The following ARHGAP32 variants were observed in gnomAD, a reference collection of about 807,000 sequenced individuals.
The protein encoded by ARHGAP32 is Rho GTPase activating protein 32.
A neutral mutation model predicts 186.5 loss-of-function variants in ARHGAP32; 51 were observed. The ratio of observed to expected loss-of-function variants is 0.27; its 90% CI spans 0.22 to 0.35. The LOEUF (loss-of-function observed/expected upper bound fraction) is 0.35, where lower values mean the gene tolerates loss of function less well. ARHGAP32 is among the 10% of genes least tolerant of loss of function. ARHGAP32 has a pLI of 1.00. For missense variants in ARHGAP32, 2,186 were observed against 2,623.5 expected (o/e 0.83, Z 3.64); for synonymous variants, 950 against 964.3 (o/e 0.99, Z 0.27).
intron 1 of ARHGAP32, among the ~76,000 whole-genome samples, chr11:129,242,130 A>T (rs540864289): frequency 1.3e-5 from 2 of 152,318 alleles, no homozygotes; most frequent in African/African-American, 4.8e-5. Flanking sequence ...GTTTATTATT[A>T]TAATTGTTTT....
chr11:129,101,788 T>C (rs1305027979), intron 5 of ARHGAP32, among the ~76,000 whole-genome samples: 1 of 152,158 alleles, frequency 6.6e-6, no homozygotes, highest in Non-Finnish European at 1.5e-5. Context: ...TATTTCAGGA[T>C]ATCATCCATG....
upstream of ARHGAP32, among the ~76,000 whole-genome samples, chr11:129,193,542 T>A (rs1427122885): frequency 5.8e-5 from 1 of 17,118 alleles, no homozygotes; most frequent in Non-Finnish European, 1.1e-4. Context: ...ATATATATAT[T>A]ATATATAATA....
At chr11:129,029,599 C>T (rs1208983777) in intron 11 of ARHGAP32, among the ~76,000 whole-genome samples, 4 of 151,898 alleles carry the variant, frequency 2.6e-5, no homozygotes, top group African/African-American at 4.8e-5. Context: ...GTCAGGAGAT[C>T]GAGACCATCC....
chr11:128,983,317 G>A (rs2136110032), intron 15 of ARHGAP32, among the ~76,000 whole-genome samples: 1 of 152,264 alleles, frequency 6.6e-6, no homozygotes, highest in South Asian at 2.1e-4. Context: ...ATAATTAAGA[G>A]AAGACAAACC....
At chr11:129,216,472 A>T (rs1426796417) in intron 1 of ARHGAP32, among the ~76,000 whole-genome samples, 1 of 151,950 alleles carries the variant, frequency 6.6e-6, no homozygotes, top group East Asian at 1.9e-4. Flanking sequence ...ACTTGAGGTT[A>T]GGAGTTCGAG....
At chr11:129,014,002 A>C (rs1401205244) in intron 11 of ARHGAP32, among the ~76,000 whole-genome samples, 3 of 152,238 alleles carry the variant, frequency 2.0e-5, no homozygotes, top group African/African-American at 7.2e-5. Flanking sequence ...TAGAGACACT[A>C]AAATGATACC....
intron 6 of ARHGAP32, among the ~76,000 whole-genome samples, chr11:129,091,298 T>C (rs1941572048): frequency 1.3e-5 from 2 of 152,270 alleles, no homozygotes; most frequent in South Asian, 2.1e-4. Context: ...CCAGTTGGCC[T>C]GGGTGCTCCC....
At chr11:129,102,528 A>C (rs1941930726) in intron 5 of ARHGAP32, among the ~76,000 whole-genome samples, 1 of 152,154 alleles carries the variant, frequency 6.6e-6, no homozygotes, top group Non-Finnish European at 1.5e-5. Context: ...CAAAAACAAA[A>C]ACAATTTAAA....
At chr11:129,086,113 C>T (rs1333038484) in intron 6 of ARHGAP32, among the ~76,000 whole-genome samples, 8 of 151,342 alleles carry the variant, frequency 5.3e-5, no homozygotes, top group African/African-American at 1.9e-4. Context: ...GAATAGAGAG[C>T]CCAGAAACAG....
At chr11:129,098,590 T>G (rs546106370) in intron 5 of ARHGAP32, among the ~76,000 whole-genome samples, 31 of 152,100 alleles carry the variant, frequency 2.0e-4, no homozygotes, top group African/African-American at 6.7e-4. Flanking sequence ...CAGCTAATTT[T>G]TTGTATTTTT....
rs116061687 is a variant in ARHGAP32, at chr11:129,211,486, A to G, written c.-4-47059T>C. Among the ~76,000 whole-genome samples the G allele has an allele frequency of 5.3e-3, 811 of 152,330 alleles. 8 individuals carry two copies. Among genetic ancestry groups the G allele is most frequent in the African/African-American group, 0.019 (774 of 41,566 alleles). On this transcript the variant is annotated intron_variant, in intron 1 of 6. Coordinates refer to the ARHGAP32 transcript ENST00000525234. ...CTTCCATCAAAAACGCTGGGCATCT[A>G]ACACAATAGAACAGTTATTCATTCC...
intron 1 of ARHGAP32, among the ~76,000 whole-genome samples, chr11:129,224,990 A>G (rs1944761299): frequency 6.6e-6 from 1 of 152,036 alleles, no homozygotes; most frequent in Non-Finnish European, 1.5e-5. Context: ...GCATACGTGT[A>G]GTCCCAGCTA....
intron 1 of ARHGAP32, among the ~76,000 whole-genome samples, chr11:129,218,665 C>G (rs952074004): frequency 6.6e-6 from 1 of 152,052 alleles, no homozygotes; most frequent in African/African-American, 2.4e-5. Context: ...GGGAAAGGAG[C>G]CTGAGTAAAA....
At chr11:129,025,444 G>A (rs1182770880) in intron 11 of ARHGAP32, among the ~76,000 whole-genome samples, 1 of 152,118 alleles carries the variant, frequency 6.6e-6, no homozygotes, top group African/African-American at 2.4e-5. Flanking sequence ...GTATGTGGCA[G>A]GAACAAAACA....
intron 1 of ARHGAP32, among the ~76,000 whole-genome samples, chr11:129,230,809 C>A (rs78251949): frequency 4.5e-4 from 68 of 151,974 alleles, no homozygotes; most frequent in African/African-American, 1.6e-3. Flanking sequence ...TAAAAAAGAG[C>A]CCAAAATTTA....
intron 1 of ARHGAP32, among the ~76,000 whole-genome samples, chr11:129,241,870 T>C (rs961392111): frequency 1.3e-5 from 2 of 152,148 alleles, no homozygotes; most frequent in Non-Finnish European, 2.9e-5. Context: ...CAAATAAATT[T>C]AGACTGTGTA....
At chr11:129,193,563 A>ATATATTATATTATAT (rs1944318360), upstream of ARHGAP32, among the ~76,000 whole-genome samples, 1 of 12,236 alleles carries the variant, frequency 8.2e-5, no homozygotes, top group Non-Finnish European at 1.5e-4. Flanking sequence ...TATATATATT[A>ATATATTATATTATAT]TATATAATAT....
At chr11:129,199,630 C>A (rs1031230604) in intron 1 of ARHGAP32, among the ~76,000 whole-genome samples, 2 of 152,246 alleles carry the variant, frequency 1.3e-5, no homozygotes, top group African/African-American at 4.8e-5. Flanking sequence ...ATGAAAACAC[C>A]TAGATGTCCA....
At chr11:129,038,562 G>C (rs1939451300) in intron 11 of ARHGAP32, among the ~76,000 whole-genome samples, 1 of 151,702 alleles carries the variant, frequency 6.6e-6, no homozygotes, top group Non-Finnish European at 1.5e-5. Flanking sequence ...ATCTGGTAAA[G>C]AATTTGTATC....
Sources: gnomAD v4.1 joint callset for allele counts (sites outside exome capture counted in the v4.1 genomes callset) on GRCh38, gnomAD v4.1.1 for gene constraint, MANE v1.5 for transcripts, NCBI Gene and HGNC (gene_info 2026-07-23, HGNC 2026-07-21) for gene names.